The following ORC5 variants were observed in gnomAD, a reference collection of about 807,000 sequenced individuals.
The protein encoded by ORC5 is protein phosphatase 1, regulatory subunit 117.
A neutral mutation model predicts 58.8 loss-of-function variants in ORC5; 39 were observed. That is an observed-to-expected ratio of 0.66 (90% CI 0.51 to 0.87). The LOEUF (loss-of-function observed/expected upper bound fraction) is 0.87, where lower values mean the gene tolerates loss of function less well. ORC5 is among the 40% of genes least tolerant of loss of function. The pLI, the probability that ORC5 is intolerant of heterozygous loss-of-function variation, is 0.00. For missense variants in ORC5, 493 were observed against 506.3 expected, an observed-to-expected ratio of 0.97 and a Z score of 0.25; for synonymous variants, 218 against 177.6, an observed-to-expected ratio of 1.23 and a Z score of -1.81.
rs1704076965 is a variant in ORC5, at chr7:104,136,423, T to C, written c.1262+358A>G. 6.6e-6 allele frequency among the ~76,000 whole-genome samples: 1 copy of C among 152,190 alleles called. No individual in the cohort carries two copies. Among genetic ancestry groups the C allele is most frequent in the African/African-American group, 2.4e-5 (1 of 41,442 alleles). On this transcript the variant is annotated intron_variant, in intron 13 of 13. Transcript: ENST00000297431. The surrounding 1 kb of genome is among the most constrained non-coding windows in gnomAD (Gnocchi z 4.2). ...TACCTAAGTCAGGATTTTTAAAGCC[T>C]TGTAGTCAGCTAAAAAATTTAGGAC...
In ORC5 at chr7:104,136,376, G is replaced by A. The variant is rs1285998798; in HGVS notation, c.1262+405C>T. Among the ~76,000 whole-genome samples the A allele has an allele frequency of 2.6e-5, 4 of 151,822 alleles. No homozygotes were observed. The highest frequency in any genetic ancestry group is 6.6e-5 in the Admixed American group (1 of 15,196). ...TAGAATGATTATGTCCCCTGACCTA[G>A]ACACTATATTTCTATCAGTGTTACC... On this transcript the variant is annotated intron_variant, in intron 13 of 13. Transcript: ENST00000297431. The surrounding 1 kb of genome is among the most constrained non-coding windows in gnomAD (Gnocchi z 4.2).
At chr7:104,156,132 T>C (rs1027302886) in intron 12 of ORC5, among the ~76,000 whole-genome samples, 1 of 151,588 alleles carries the variant, frequency 6.6e-6, no homozygotes, top group Non-Finnish European at 1.5e-5. Flanking sequence ...ACCCATGAAG[T>C]TCAGGCATAC....
chr7:104,184,251 G>C (rs1351396095), intron 6 of ORC5, 80 bp from the exon 7 acceptor site: 2 of 906,226 alleles, frequency 2.2e-6, no homozygotes, highest in African/African-American at 3.6e-5. Context: ...AGTAAAATCT[G>C]TATTGCAGTT....
At position 104,128,508 on chromosome 7, in the gene ORC5, C is replaced by CT. The variant is rs879288342; in HGVS notation, c.1263-1616dup. 3.1e-3 allele frequency among the ~76,000 whole-genome samples: 470 copies of CT among 149,634 alleles called. 2 individuals are homozygous for CT. Among genetic ancestry groups the CT allele is most frequent in the Non-Finnish European group, 3.5e-3 (235 of 67,176 alleles). On this transcript the variant is annotated intron_variant, in intron 13 of 13. Coordinates refer to ENST00000297431, the MANE Select transcript of ORC5 (RefSeq NM_002553.4). Reference sequence around the variant, plus strand: ...GAAAGGAAACGGATATAATAGACTACTTTTTTTTTTAAACTTCATTTTATT... The same window carrying CT: ...GAAAGGAAACGGATATAATAGACTACTTTTTTTTTTTAAACTTCATTTTATT...
chr7:104,144,303 A>C, intron 12 of ORC5, among the ~76,000 whole-genome samples: 1 of 152,212 alleles, frequency 6.6e-6, no homozygotes, highest in East Asian at 1.9e-4. Flanking sequence ...AATGAAAACT[A>C]CTGGAAAAAT....
chr7:104,202,481 C>T (rs1156909609), intron 2 of ORC5: 2 of 454,916 alleles, frequency 4.4e-6, no homozygotes, highest in Admixed American at 2.4e-5. Flanking sequence ...TAGTGTCTTG[C>T]TTACGGCATT....
chr7:104,198,425 C>T (rs1425957001), intron 3 of ORC5, among the ~76,000 whole-genome samples: 1 of 152,200 alleles, frequency 6.6e-6, no homozygotes, highest in African/African-American at 2.4e-5. Context: ...GTGACTCTTG[C>T]TATGCTCTAG....
chr7:104,168,829 C>G (rs1365903675), intron 8 of ORC5, among the ~76,000 whole-genome samples: 1 of 152,162 alleles, frequency 6.6e-6, no homozygotes, highest in East Asian at 1.9e-4. Flanking sequence ...TGCCTGTAAT[C>G]CCAGCACTTT....
chr7:104,204,099 A>G, intron 2 of ORC5, 43 bp downstream of exon 2: 1 of 1,078,870 alleles, frequency 9.3e-7, no homozygotes, highest in South Asian at 1.5e-5. Context: ...CCAATATTAT[A>G]CACTAAAAAT....
intron 10 of ORC5, chr7:104,165,594 C>A: frequency 4.9e-6 from 1 of 205,448 alleles, no homozygotes; most frequent in Non-Finnish European, 9.6e-6. Context: ...AAAAATGAAA[C>A]TTCCAGAGAT....
intron 8 of ORC5, among the ~76,000 whole-genome samples, chr7:104,170,562 T>A (rs1415718946): frequency 6.6e-6 from 1 of 152,156 alleles, no homozygotes; most frequent in Non-Finnish European, 1.5e-5. Context: ...TAGATTCTCC[T>A]TGAGAACCTC....
chr7:104,161,025 G>T, intron 12 of ORC5, 47 bp downstream of exon 12: 1 of 1,045,956 alleles, frequency 9.6e-7, no homozygotes, highest in Non-Finnish European at 1.5e-6. Context: ...TCTACTATCT[G>T]AAGAATCCCA....
Position 104,136,189 on chromosome 7 carries a change from C to G in ORC5, c.1262+592G>C, listed in dbSNP as rs532607426. Among the ~76,000 whole-genome samples, 1 of 152,220 alleles carries G rather than the reference C, an allele frequency of 6.6e-6. No individual in the cohort carries two copies. Among genetic ancestry groups the G allele is most frequent in the African/African-American group, 2.4e-5 (1 of 41,540 alleles). ...ACTTAAGACAGTTCACATGTCCTTC[C>G]TAAGGCTTTTCTCTCACACTCTGTC... On this transcript the variant is annotated intron_variant, in intron 13 of 13. Coordinates refer to ENST00000297431, the MANE Select transcript of ORC5 (RefSeq NM_002553.4). The surrounding 1 kb of genome is among the most constrained non-coding windows in gnomAD (Gnocchi z 4.2).
chr7:104,158,570 C>T (rs963762158), intron 12 of ORC5, among the ~76,000 whole-genome samples: 1 of 151,856 alleles, frequency 6.6e-6, no homozygotes, highest in African/African-American at 2.4e-5. Context: ...TTTTCACAAC[C>T]TACTCATCTA....
intron 13 of ORC5, 34 bp from the exon 14 acceptor site, chr7:104,126,927 T>TAGGGGTGAGAATG: frequency 6.8e-7 from 1 of 1,474,980 alleles, no homozygotes; most frequent in Non-Finnish European, 9.5e-7. Context: ...GTTAGCATTC[T>TAGGGGTGAGAATG]CACCCCTAGA....
Position 104,126,795 on chromosome 7 carries a change from C to A in ORC5, c.*53G>T. On this transcript the variant is annotated 3_prime_UTR_variant, in exon 14 of 14. Transcript: ENST00000297431. ...TTGGCCAGCTAAGTAGCTGGATGAA[C>A]ACAGCTTGGCTTAGTCATTGTCACA... 1 of 1,387,742 alleles carries A rather than the reference C, an allele frequency of 7.2e-7. No individual in the cohort carries two copies. 86.0% of individuals were successfully genotyped at this position (1,387,742 alleles called of 1,614,324 possible).
chr7:104,178,210 C>G (rs151032573), intron 8 of ORC5, among the ~76,000 whole-genome samples: 4,530 of 152,282 alleles, frequency 0.03, 198 homozygotes, highest in African/African-American at 0.1. Context: ...ATTCCTATTT[C>G]TCCACAGCCT....
rs184090380 is a variant in ORC5 at position 104,177,911 on chromosome 7, C to A, written c.824+6032G>T. Among the ~76,000 whole-genome samples, 3 of 152,188 alleles carry A rather than the reference C, an allele frequency of 2.0e-5. No homozygotes were observed. The South Asian group carries it at 6.2e-4, about 32-fold the overall frequency. ...GCAAAGGACATGAACTCATCCTTTTCATGGCTGCATAGTATTCCATGGTGT... is the reference window on the plus strand; with the variant it reads ...GCAAAGGACATGAACTCATCCTTTTAATGGCTGCATAGTATTCCATGGTGT... On this transcript the variant is annotated intron_variant, in intron 8 of 13. Transcript: ENST00000297431.
At chr7:104,175,009 C>T (rs145827024) in intron 8 of ORC5, among the ~76,000 whole-genome samples, 79 of 152,296 alleles carry the variant, frequency 5.2e-4, no homozygotes, top group African/African-American at 1.9e-3. Flanking sequence ...GGGCACTTAT[C>T]TTTCAAGTCG....
Sources: allele counts gnomAD v4.1 joint callset (sites outside exome capture counted in the v4.1 genomes callset), GRCh38; gene constraint gnomAD v4.1.1; non-coding constraint Gnocchi (gnomAD v3.1); transcripts MANE v1.5; gene names NCBI Gene and HGNC (gene_info 2026-07-23, HGNC 2026-07-21).